Variants in ZUP1 observed in about 807,000 individuals in gnomAD.
ZUP1 encodes the protein zinc finger containing ubiquitin peptidase 1, also known as zinc finger-containing ubiquitin peptidase 1.
Under a neutral mutation model 68.1 loss-of-function variants are expected in ZUP1, and 55 were observed. The ratio of observed to expected loss-of-function variants is 0.81; its 90% CI spans 0.65 to 1.01. ZUP1 has a LOEUF of 1.01. ZUP1 is among the 50% of genes least tolerant of loss of function. ZUP1 has a pLI of 0.00. For missense variants in ZUP1, 684 were observed against 674.9 expected, an observed-to-expected ratio of 1.01 and a Z score of -0.15; for synonymous variants, 223 against 221.5, an observed-to-expected ratio of 1.01 and a Z score of -0.06.
intron 3 of ZUP1, 77 bp from the exon 4 acceptor site, chr6:116,659,001 A>C (rs1776754279): frequency 8.1e-7 from 1 of 1,242,024 alleles, no homozygotes; most frequent in Admixed American, 3.0e-5. Context: ...ATATGTTTTT[A>C]AAATAGAGTA....
chr6:116,635,953 TA>T (rs1372855051), intron 9 of ZUP1, 74 bp from the exon 10 acceptor site: 11 of 1,040,640 alleles, frequency 1.1e-5, no homozygotes, highest in Non-Finnish European at 1.3e-5. Context: ...CATTCTAATG[TA>T]AAAAATAAAA....
rs536949730 is a variant in ZUP1 at position 116,641,478 on chromosome 6, T to C, written c.1689+4236A>G. Among the ~76,000 whole-genome samples, 292 of 151,970 alleles carry C rather than the reference T, an allele frequency of 1.9e-3. 1 individual carries two copies. Among genetic ancestry groups the C allele is most frequent in the Non-Finnish European group, 3.4e-3 (229 of 67,944 alleles). ...AGCAAATGTAAAAGAACAGAAATTA[T>C]AACAAACTGTCTCTCAGACCACAGT... On this transcript the variant is annotated intron_variant, in intron 9 of 9. Transcript: ENST00000368576.
intron 7 of ZUP1, among the ~76,000 whole-genome samples, chr6:116,648,476 A>G (rs926589869): frequency 4.6e-5 from 7 of 152,232 alleles, no homozygotes; most frequent in Non-Finnish European, 8.8e-5. Context: ...ACTTCTGGAT[A>G]AACCGTTTAA....
At chr6:116,665,105 T>C (rs2114296560) in intron 2 of ZUP1, among the ~76,000 whole-genome samples, 1 of 152,206 alleles carries the variant, frequency 6.6e-6, no homozygotes, top group East Asian at 1.9e-4. Flanking sequence ...ATTGAAAATA[T>C]ATTTTAAAAG....
chr6:116,648,900 G>A (rs1215820489), intron 7 of ZUP1, among the ~76,000 whole-genome samples: 1 of 151,788 alleles, frequency 6.6e-6, no homozygotes, highest in African/African-American at 2.4e-5. Context: ...AGCCTGGGAG[G>A]CAGGGGTTGC....
At chr6:116,637,883 T>C (rs1355164273) in intron 9 of ZUP1, among the ~76,000 whole-genome samples, 1 of 151,934 alleles carries the variant, frequency 6.6e-6, no homozygotes, top group Non-Finnish European at 1.5e-5. Flanking sequence ...GCTAACATGG[T>C]GAAACCCCAT....
intron 7 of ZUP1, among the ~76,000 whole-genome samples, chr6:116,649,264 CATAAA>C (rs1390291024): frequency 6.6e-6 from 1 of 151,798 alleles, no homozygotes; most frequent in Non-Finnish European, 1.5e-5. Context: ...TAGAAACAAA[CATAAA>C]AGAAAATATA....
At chr6:116,642,299 C>G (rs1025487076) in intron 9 of ZUP1, among the ~76,000 whole-genome samples, 1 of 152,112 alleles carries the variant, frequency 6.6e-6, no homozygotes, top group Non-Finnish European at 1.5e-5. Flanking sequence ...CTATTCCGAT[C>G]AATAGAAAAA....
In ZUP1 at chr6:116,644,244, C is replaced by G. The variant is rs573413515; in HGVS notation, c.1689+1470G>C. On this transcript the variant is annotated intron_variant, in intron 9 of 9. Transcript: ENST00000368576. ...GAACACTTTTACACTATTGGTGGGA[C>G]TATAAACTAGTTCAACCATTGTGGA... Among the ~76,000 whole-genome samples, 3 of 152,216 alleles carry G rather than the reference C, an allele frequency of 2.0e-5. No homozygotes were observed. The East Asian group carries it at 5.8e-4, about 29-fold the overall frequency.
chr6:116,654,720 C>T (rs949760294), intron 5 of ZUP1, among the ~76,000 whole-genome samples: 1 of 152,014 alleles, frequency 6.6e-6, no homozygotes, highest in South Asian at 2.1e-4. Context: ...TCCTATAAAT[C>T]AGTAAGAACA....
At chr6:116,666,566 A>G in intron 2 of ZUP1, 68 bp downstream of exon 2, 1 of 1,389,454 alleles carries the variant, frequency 7.2e-7, no homozygotes, top group Non-Finnish European at 9.6e-7. Flanking sequence ...TTACAAACCA[A>G]CTTTTAAAAT....
chr6:116,643,468 T>C (rs191465216), intron 9 of ZUP1, among the ~76,000 whole-genome samples: 175 of 152,282 alleles, frequency 1.1e-3, no homozygotes, highest in African/African-American at 4.1e-3. Context: ...CAAAACAGCA[T>C]GGTACTGATA....
intron 2 of ZUP1, among the ~76,000 whole-genome samples, chr6:116,661,704 A>G (rs1051946242): frequency 6.6e-6 from 1 of 152,244 alleles, no homozygotes; most frequent in Non-Finnish European, 1.5e-5. Context: ...CACAGAGTGA[A>G]AGCATAGAGC....
At position 116,647,562 on chromosome 6, in the gene ZUP1, GT is replaced by G; in HGVS notation, c.1364del (p.His455ProfsTer9). On this transcript the variant is annotated frameshift_variant, in exon 8 of 10. Transcript: ENST00000368576. LOFTEE classifies it high-confidence loss of function. ...FHKSTGPLGT[H>X]PRLFEWILNY... is the part of the protein sequence containing the mutation. ...TCAATATCCATTCAAATAAGCGAGG[GT>G]GTGTACCCAAAGGACCAGTTGATTT... 1 of 1,597,676 alleles carries G rather than the reference GT, an allele frequency of 6.3e-7. No homozygotes were observed. Among genetic ancestry groups the G allele is most frequent in the Non-Finnish European group, 8.6e-7 (1 of 1,168,644 alleles).
Position 116,645,972 on chromosome 6 carries a change from T to C in ZUP1, c.1469-38A>G, listed in dbSNP as rs1346360852. The C allele has an allele frequency of 4.3e-6, 6 of 1,395,836 alleles. No individual in the cohort carries two copies. In the South Asian group the frequency reaches 7.5e-5, roughly 17 times the overall value. The allele number at this position is 1,395,836 out of a possible 1,614,324, so 86.5% of individuals were successfully genotyped here. A position where few individuals can be genotyped will look rare whatever the true frequency, so the allele number is the denominator to read the frequency against. ...TTTTAAGTTATACATACGTCACATC[T>C]ATTTACAGTTATACAAATAGTCTCT... is the stretch of plus-strand genomic sequence containing the variant. On this transcript the variant is annotated intron_variant, in intron 8 of 9. Transcript: ENST00000368576.
rs1259130092 is a variant in ZUP1 at position 116,656,856 on chromosome 6, T to C, written c.793-4A>G. 1.0e-4 allele frequency: 163 copies of C among 1,564,264 alleles called. 1 individual carries two copies. The highest frequency in any genetic ancestry group is 3.7e-4 in the Middle Eastern group (2 of 5,408). On this transcript the variant is annotated splice_region_variant and splice_polypyrimidine_tract_variant and intron_variant, in intron 4 of 9. Transcript: ENST00000368576. ...AATTATCTAAACCATATTGTCTCTA[T>C]TGAACATAAAAATAAATGACTTAAT...
chr6:116,645,127 A>G (rs945251897), intron 9 of ZUP1, among the ~76,000 whole-genome samples: 1 of 141,902 alleles, frequency 7.0e-6, no homozygotes, highest in Non-Finnish European at 1.6e-5. Flanking sequence ...AATGCAAAAA[A>G]ATTAAATTAA....
intron 9 of ZUP1, among the ~76,000 whole-genome samples, chr6:116,636,762 G>C (rs1775920760): frequency 6.6e-6 from 1 of 152,082 alleles, no homozygotes; most frequent in Admixed American, 6.5e-5. Flanking sequence ...TTATAAATAT[G>C]TATATTTTGG....
At chr6:116,643,532 C>T (rs1452956942) in intron 9 of ZUP1, among the ~76,000 whole-genome samples, 4 of 152,090 alleles carry the variant, frequency 2.6e-5, no homozygotes, top group Admixed American at 6.6e-5. Flanking sequence ...GAAATAATGC[C>T]GCATATCTAC....
Sources: allele counts gnomAD v4.1 joint callset (sites outside exome capture counted in the v4.1 genomes callset), GRCh38; gene constraint gnomAD v4.1.1; transcripts MANE v1.5; gene names NCBI Gene and HGNC (gene_info 2026-07-23, HGNC 2026-07-21).